Variants in DICER1 observed in about 807,000 individuals in gnomAD.
DICER1 encodes the protein endoribonuclease Dicer.
Under a neutral mutation model 194.1 loss-of-function variants are expected in DICER1, and 43 were observed. The ratio of observed to expected loss-of-function variants is 0.22; its 90% CI spans 0.17 to 0.29. The LOEUF is 0.29. DICER1 is among the 10% of genes least tolerant of loss of function. The pLI, the probability that DICER1 is intolerant of heterozygous loss-of-function variation, is 1.00. For missense variants in DICER1, 1,608 were observed against 2,317.0 expected (o/e 0.69, Z 6.28); for synonymous variants, 832 against 820.5 (o/e 1.01, Z -0.24).
At chr14:95,135,308 C>G (rs999988920) in intron 1 of DICER1, among the ~76,000 whole-genome samples, 2 of 152,016 alleles carry the variant, frequency 1.3e-5, no homozygotes, top group Admixed American at 1.3e-4. Context: ...TAGAAGGTAC[C>G]AAGAAACAAG....
At chr14:95,090,806 C>A in intron 26 of DICER1, 143 bp from the exon 27 acceptor site, 1 of 1,059,994 alleles carries the variant, frequency 9.4e-7, no homozygotes, top group Non-Finnish European at 1.4e-6. Context: ...CGACTTACTG[C>A]AATTGCATAC....
At chr14:95,097,529 TGTGA>T (rs1423800342) in intron 22 of DICER1, among the ~76,000 whole-genome samples, 4 of 152,236 alleles carry the variant, frequency 2.6e-5, no homozygotes, top group Non-Finnish European at 5.9e-5. Context: ...AAAGCTTATT[TGTGA>T]GTGACAACCT....
At chr14:95,094,202 A>G (rs1395464100) in intron 23 of DICER1, 46 bp from the exon 24 acceptor site, 1 of 1,610,484 alleles carries the variant, frequency 6.2e-7, no homozygotes, top group Non-Finnish European at 8.5e-7. Context: ...AGAAGCATTT[A>G]CACTATCCCC....
chr14:95,095,402 A>T (rs1890218995), intron 23 of DICER1: 1 of 221,038 alleles, frequency 4.5e-6, no homozygotes, highest in African/African-American at 2.3e-5. Context: ...AAAAGACCCT[A>T]AAGGAGGGGT....
chr14:95,126,827 A>C (rs1595448924), intron 6 of DICER1, 79 bp from the exon 7 acceptor site: 1 of 821,128 alleles, frequency 1.2e-6, no homozygotes, highest in African/African-American at 1.8e-5. Flanking sequence ...AAAAGCAAAA[A>C]AAAAAAAAAG....
chr14:95,111,056 T>C (rs970406417), intron 14 of DICER1, among the ~76,000 whole-genome samples: 2 of 152,174 alleles, frequency 1.3e-5, no homozygotes, highest in Non-Finnish European at 2.9e-5. Context: ...TCATTCTGGA[T>C]AGAATATGAC....
At chr14:95,115,319 T>C (rs1371231354) in intron 11 of DICER1, among the ~76,000 whole-genome samples, 1 of 152,116 alleles carries the variant, frequency 6.6e-6, no homozygotes, top group Non-Finnish European at 1.5e-5. Flanking sequence ...TCTTACTTTA[T>C]TGCTAGGGGA....
At chr14:95,129,295 A>G in intron 6 of DICER1, 177 bp downstream of exon 6, 1 of 597,076 alleles carries the variant, frequency 1.7e-6, no homozygotes, top group East Asian at 2.8e-5. Context: ...AAACAACGTT[A>G]GATTCTTGAA....
intron 11 of DICER1, among the ~76,000 whole-genome samples, chr14:95,114,369 A>T (rs1288879100): frequency 6.6e-6 from 1 of 152,224 alleles, no homozygotes; most frequent in African/African-American, 2.4e-5. Context: ...ACAAACAGTA[A>T]ATGATAATGA....
chr14:95,108,140 T>C lies in DICER1; in HGVS notation c.2437-47A>G. On this transcript the variant is annotated intron_variant, in intron 15 of 26. Transcript: ENST00000343455. ...GCACCCCTCAAAATTAACAGGTATT[T>C]TATTCCATTACAGTTAACTTCAGAA... 2.7e-6 allele frequency: 4 copies of C among 1,458,038 alleles called. No homozygotes were observed. The South Asian group carries it at 4.6e-5, about 17-fold the overall frequency. 90.3% of individuals were successfully genotyped at this position (1,458,038 alleles called of 1,614,324 possible). A position where few individuals can be genotyped will look rare whatever the true frequency, so the allele number is the denominator to read the frequency against.
chr14:95,133,572 A>G, intron 1 of DICER1, 69 bp from the exon 2 acceptor site: 1 of 1,144,164 alleles, frequency 8.7e-7, no homozygotes, highest in Non-Finnish European at 1.3e-6. Flanking sequence ...CACAGAAACA[A>G]GAGAAACATC....
rs1891172275 is a variant in DICER1 at position 95,103,987 on chromosome 14, C to T, written c.3409G>A (p.Ala1137Thr). The T allele has an allele frequency of 1.9e-6, 3 of 1,614,036 alleles. No homozygotes were observed. The highest frequency in any genetic ancestry group is 2.5e-6 in the Non-Finnish European group (3 of 1,180,034). ...TTTTCTAGAGAGGAGGTTCTATTAG[C>T]ACCTTGATGTGCAGCATTTTCAGGG... is the stretch of plus-strand genomic sequence containing the variant. ...IVPENAAHQG[A>T]NRTSSLENHD... is the part of the protein sequence containing the mutation. The change falls in exon 21 of 27, where the codon GCT becomes ACT. Residue 1137 changes from alanine to threonine, a missense_variant. Coordinates refer to ENST00000343455, the MANE Select transcript of DICER1 (RefSeq NM_177438.3).
In DICER1 at chr14:95,117,686, T is replaced by C. The variant is rs749240414; in HGVS notation, c.1445A>G (p.His482Arg). ...GCGAGGCTGATTCTTCCCAATGCCA[T>C]GTCCAGTTATGAAATTGCTACTGAT... is the stretch of plus-strand genomic sequence containing the variant. ...AYISSNFITG[H>R]GIGKNQPRNK... The change falls in exon 9 of 27, where the codon CAT (histidine) becomes CGT (arginine). Residue 482 changes from histidine to arginine, a missense_variant. Around this residue, in one of 10 missense-constraint regions of DICER1, gnomAD observed 657 missense variants for 910.1 expected, o/e 0.72. Transcript: ENST00000343455. 6 of 1,614,070 alleles carry C rather than the reference T, an allele frequency of 3.7e-6. No homozygotes were observed. The highest frequency in any genetic ancestry group is 3.3e-5 in the Admixed American group (2 of 60,024).
At chr14:95,148,760 T>C (rs577722190) in intron 1 of DICER1, among the ~76,000 whole-genome samples, 5 of 152,272 alleles carry the variant, frequency 3.3e-5, no homozygotes, top group African/African-American at 4.8e-5. Context: ...CTCAGAAAGA[T>C]GACATTTCAA....
rs565130300 is a variant in DICER1, at chr14:95,106,178, C to T, written c.2850G>A (p.Val950=). The change falls in exon 18 of 27, where the codon GTG becomes GTA. Residue 950 remains valine, a synonymous_variant. Transcript: ENST00000343455. ...TACTGAGTGGGGTAAGATCAGTGTA[C>T]ACATCAGCTACATAAAATCGATGAG... ...DQPHRFYVAD[V]YTDLTPLSKF... is the part of the protein sequence containing the mutation. 5 of 1,614,000 alleles carry T rather than the reference C, an allele frequency of 3.1e-6. No individual in the cohort carries two copies. In the African/African-American group the frequency reaches 6.7e-5, roughly 22 times the overall value.
chr14:95,134,088 G>C (rs1365307337), intron 1 of DICER1, among the ~76,000 whole-genome samples: 1 of 152,118 alleles, frequency 6.6e-6, no homozygotes, highest in Non-Finnish European at 1.5e-5. Context: ...CCTGCACCAC[G>C]AAAGATTTAG....
rs370866625 is a variant in DICER1 at position 95,113,063 on chromosome 14, A to G, written c.2040+29T>C. On this transcript the variant is annotated intron_variant, in intron 12 of 26. Transcript: ENST00000343455. ...ATCCACTAATGACACATTTTAAAAGATAACAATCATTTCTTCTTCTAAACT... is the reference window on the plus strand; with the variant it reads ...ATCCACTAATGACACATTTTAAAAGGTAACAATCATTTCTTCTTCTAAACT... 98 of 1,609,808 alleles carry G rather than the reference A, an allele frequency of 6.1e-5. No individual in the cohort carries two copies. The East Asian group carries it at 9.1e-4, about 15-fold the overall frequency.
Position 95,125,407 on chromosome 14 carries a change from C to A in DICER1, c.904-739G>T, listed in dbSNP as rs189705361. On this transcript the variant is annotated intron_variant, in intron 7 of 26. Transcript: ENST00000343455. ...TTAACATCTCAGCTAAATTCAGACT[C>A]TGATCCTGGACCCTCCCAGAGTGCT... Among the ~76,000 whole-genome samples, 8 of 150,650 alleles carry A rather than the reference C, an allele frequency of 5.3e-5. No homozygotes were observed. The East Asian group carries it at 1.6e-3, about 30-fold the overall frequency.
In DICER1 at chr14:95,089,344, T is replaced by C; in HGVS notation, c.*1154A>G. On this transcript the variant is annotated 3_prime_UTR_variant, in exon 27 of 27. Transcript: ENST00000343455. ...GCATTAACAGCACAGCTTTGGTAGGTGAAATATGCATGCAACATTATGAAA... is the reference window on the plus strand; with the variant it reads ...GCATTAACAGCACAGCTTTGGTAGGCGAAATATGCATGCAACATTATGAAA... 1 of 233,040 alleles carries C rather than the reference T, an allele frequency of 4.3e-6. No individual in the cohort carries two copies. Among genetic ancestry groups the C allele is most frequent in the Non-Finnish European group, 8.5e-6 (1 of 117,962 alleles). 14.4% of individuals were successfully genotyped at this position (233,040 alleles called of 1,614,324 possible). A position where few individuals can be genotyped will look rare whatever the true frequency, so the allele number is the denominator to read the frequency against.
Sources: gnomAD v4.1 joint callset for allele counts (sites outside exome capture counted in the v4.1 genomes callset) on GRCh38, gnomAD v4.1.1 for gene constraint, gnomAD v4.1.1 regional missense constraint, MANE v1.5 for transcripts, NCBI Gene and HGNC (gene_info 2026-07-23, HGNC 2026-07-21) for gene names.